FBXO17: variants seen among roughly 807,000 people sequenced by gnomAD.
FBXO17 encodes F-box only protein 17.
FBXO17 carries 43 observed loss-of-function variants against 34.1 expected under a neutral mutation model. The ratio of observed to expected loss-of-function variants is 1.26; its 90% CI spans 0.99 to 1.62. The LOEUF (loss-of-function observed/expected upper bound fraction) is 1.62, where lower values mean the gene tolerates loss of function less well. Among genes scored for constraint, FBXO17 ranks in the 40% most tolerant of loss-of-function variants. FBXO17 has a pLI of 0.00. For missense variants in FBXO17, 424 were observed against 386.7 expected, an observed-to-expected ratio of 1.10 and a Z score of -0.81; for synonymous variants, 169 against 166.0, an observed-to-expected ratio of 1.02 and a Z score of -0.14.
chr19:38,968,088 C>T (rs1975343603), intron 1 of FBXO17, among the ~76,000 whole-genome samples: 2 of 152,070 alleles, frequency 1.3e-5, no homozygotes, highest in South Asian at 2.1e-4. Flanking sequence ...GTAATCCCAG[C>T]ACTTTGGGAG....
chr19:38,955,484 C>CTATTTTTTTTTTTTTTTTTT, intron 1 of FBXO17, among the ~76,000 whole-genome samples: 1 of 133,714 alleles, frequency 7.5e-6, no homozygotes, highest in Non-Finnish European at 1.6e-5. Context: ...TTCTTTCTTT[C>CTATTTTTTTTTTTTTTTTTT]TTTTTTTTTT....
chr19:38,950,479 T>C (rs1811371790), intron 1 of FBXO17, 143 bp from the exon 2 acceptor site: 1 of 1,193,196 alleles, frequency 8.4e-7, no homozygotes, highest in Non-Finnish European at 1.1e-6. Context: ...CCCTCTCTGA[T>C]CCTAGGCCTT....
intron 1 of FBXO17, among the ~76,000 whole-genome samples, chr19:38,974,325 G>A (rs1197442576): frequency 2.6e-5 from 4 of 151,888 alleles, no homozygotes; most frequent in Non-Finnish European, 4.4e-5. Flanking sequence ...TGATCCGCCC[G>A]CCTCGGCCTC....
rs181731050 is a variant in FBXO17 at position 38,953,861 on chromosome 19, G to T, written c.-17-3525C>A. On this transcript the variant is annotated intron_variant, in intron 1 of 5. Transcript: ENST00000292852. ...TGGGACAGTCACAGCAGGAGAACGGGTGTGGGCAAGGGTGCAGGTAGGTGG... is the reference window on the plus strand; with the variant it reads ...TGGGACAGTCACAGCAGGAGAACGGTTGTGGGCAAGGGTGCAGGTAGGTGG... Among the ~76,000 whole-genome samples, 10 of 152,196 alleles carry T rather than the reference G, an allele frequency of 6.6e-5. No individual in the cohort carries two copies. In the East Asian group the frequency reaches 1.9e-3, roughly 29 times the overall value.
rs1975104074 is a variant in FBXO17, at chr19:38,952,737, T to C, written c.-17-2401A>G. The stretch of plus-strand genomic sequence containing the variant: ...CAACCTCTCTGTTCCCTGACCTCTC[T>C]CTAGTGACTTTTTCCTTCCCCAACA... On this transcript the variant is annotated intron_variant, in intron 1 of 5. Transcript: ENST00000292852. 8.4e-6 allele frequency: 4 copies of C among 476,850 alleles called. 1 individual carries two copies. Among genetic ancestry groups the C allele is most frequent in the South Asian group, 6.0e-5 (4 of 66,534 alleles). The allele number at this position is 476,850 out of a possible 1,614,324, so 29.5% of individuals were successfully genotyped here.
chr19:38,948,918 CT>C (rs1406091372), intron 2 of FBXO17, among the ~76,000 whole-genome samples: 1 of 152,158 alleles, frequency 6.6e-6, no homozygotes, highest in Non-Finnish European at 1.5e-5. Flanking sequence ...GCTCTTTCTC[CT>C]TCAGTCCTGC....
At chr19:38,951,581 C>A (rs35575208) in intron 1 of FBXO17, among the ~76,000 whole-genome samples, 40,067 of 150,852 alleles carry the variant, frequency 0.27, 6,211 homozygotes, top group East Asian at 0.58. Context: ...ACTGTGTTCT[C>A]GGTTTGCTGG....
At position 38,949,958 on chromosome 19, in the gene FBXO17, C is replaced by A; in HGVS notation, c.349+13G>T. On this transcript the variant is annotated intron_variant, in intron 2 of 5. Coordinates refer to ENST00000292852, the MANE Select transcript of FBXO17 (RefSeq NM_024907.7). The stretch of plus-strand genomic sequence containing the variant: ...CCCCCCTCAGCCTCCTGGGCCCCGC[C>A]CCCGTCACCCACGCTCTCCGCAGGA... 3 of 1,523,966 alleles carry A rather than the reference C, an allele frequency of 2.0e-6. No homozygotes were observed. Among genetic ancestry groups the A allele is most frequent in the Non-Finnish European group, 2.6e-6 (3 of 1,137,984 alleles). 94.4% of individuals were successfully genotyped at this position (1,523,966 alleles called of 1,614,324 possible). A position where few individuals can be genotyped will look rare whatever the true frequency, so the allele number is the denominator to read the frequency against.
At chr19:38,949,790 T>C in intron 2 of FBXO17, 181 bp downstream of exon 2, 1 of 754,316 alleles carries the variant, frequency 1.3e-6, no homozygotes, top group Non-Finnish European at 2.0e-6. Flanking sequence ...ATTCCCGGCT[T>C]CACCTTCTCC....
At chr19:38,955,229 C>T (rs1975151066) in intron 1 of FBXO17, among the ~76,000 whole-genome samples, 1 of 151,866 alleles carries the variant, frequency 6.6e-6, no homozygotes, top group South Asian at 2.1e-4. Flanking sequence ...CTGCAACTGG[C>T]CTTTTATTTT....
At chr19:38,946,671 A>T in intron 3 of FBXO17, 104 bp from the exon 4 acceptor site, 1 of 1,504,148 alleles carries the variant, frequency 6.6e-7, no homozygotes, top group Non-Finnish European at 9.0e-7. Flanking sequence ...CCCTCTCTAA[A>T]GCAGCCCTCA....
At chr19:38,949,447 T>A (rs1975036909) in intron 2 of FBXO17, among the ~76,000 whole-genome samples, 2 of 151,140 alleles carry the variant, frequency 1.3e-5, no homozygotes, top group Non-Finnish European at 3.0e-5. Context: ...TTGTTCAGGC[T>A]GGTCTCAAAC....
At chr19:38,959,990 A>G (rs577246287) in intron 1 of FBXO17, among the ~76,000 whole-genome samples, 2 of 152,314 alleles carry the variant, frequency 1.3e-5, no homozygotes, top group South Asian at 2.1e-4. Flanking sequence ...AAAACAAGAA[A>G]AACAGATATG....
rs1429023813 is a variant in FBXO17, at chr19:38,946,698, AC to A, written c.462-132del. ...CAGCCCTCAGGGTTTGCTCTAGCAG[AC>A]CTGAAGATGCATGATGGGCTATACA... On this transcript the variant is annotated intron_variant, in intron 3 of 5. Coordinates refer to ENST00000292852, the MANE Select transcript of FBXO17 (RefSeq NM_024907.7). The A allele has an allele frequency of 1.5e-4, 192 of 1,286,944 alleles. No individual in the cohort carries two copies. The African/African-American group carries it at 2.5e-3, about 17-fold the overall frequency. The allele number at this position is 1,286,944 out of a possible 1,614,324, so 79.7% of individuals were successfully genotyped here. A position where few individuals can be genotyped will look rare whatever the true frequency, so the allele number is the denominator to read the frequency against.
chr19:38,957,596 G>C (rs1346038032), intron 1 of FBXO17, among the ~76,000 whole-genome samples: 1 of 152,108 alleles, frequency 6.6e-6, no homozygotes, highest in Non-Finnish European at 1.5e-5. Context: ...CGCCCGCCTA[G>C]GCCTCCCAAA....
chr19:38,950,284 C>A lies in FBXO17; in HGVS notation c.36G>T (p.Ala12=), dbSNP rs748626300. Residue 12 remains alanine, a synonymous_variant, in exon 2 of 6, where the codon GCG becomes GCT. Transcript: ENST00000292852. ...GCGCGTCCAGGGCCAGGGATGGGTC[C>A]GCCGGCAGCCGTCGCCGCGATAGCC... ...GARLSRRRLP[A]DPSLALDALP... The A allele has an allele frequency of 3.5e-6, 5 of 1,443,946 alleles. No individual in the cohort carries two copies. The highest frequency in any genetic ancestry group is 5.5e-5 in the Admixed American group (2 of 36,608). 89.4% of individuals were successfully genotyped at this position (1,443,946 alleles called of 1,614,324 possible). A position where few individuals can be genotyped will look rare whatever the true frequency, so the allele number is the denominator to read the frequency against.
Position 38,950,008 on chromosome 19 carries a change from G to A in FBXO17, c.312C>T (p.Pro104=), listed in dbSNP as rs747768464. ...AGTTGAAGATGAGATTGCGGCCGAAGGGCGCGCGCAGACAGTAGCGCGCCA... is the reference window on the plus strand; with the variant it reads ...AGTTGAAGATGAGATTGCGGCCGAAAGGCGCGCGCAGACAGTAGCGCGCCA... ...CALARYCLRA[P]FGRNLIFNSC... The change falls in exon 2 of 6, where the codon CCC becomes CCT. Residue 104 remains proline (P), a synonymous_variant. Coordinates refer to ENST00000292852, the MANE Select transcript of FBXO17 (RefSeq NM_024907.7). The A allele has an allele frequency of 6.4e-7, 1 of 1,556,782 alleles. No homozygotes were observed. The highest frequency in any genetic ancestry group is 1.2e-5 in the South Asian group (1 of 84,526).
chr19:38,960,634 G>C (rs1600199983), intron 1 of FBXO17, among the ~76,000 whole-genome samples: 1 of 151,638 alleles, frequency 6.6e-6, no homozygotes, highest in African/African-American at 2.4e-5. Context: ...TCAGCCTCTC[G>C]AGTAGCTGGG....
In FBXO17 at chr19:38,949,988, A is replaced by G; in HGVS notation, c.332T>C (p.Phe111Ser). The change falls in exon 2 of 6, where the codon TTC becomes TCC. Residue 111 changes from phenylalanine (F) to serine (S), a missense_variant. Phe to Ser is a radical substitution (Grantham distance 155). Transcript: ENST00000292852. ...TCACCCACGCTCTCCGCAGGAGTTG[A>G]AGATGAGATTGCGGCCGAAGGGCGC... is the stretch of plus-strand genomic sequence containing the variant. ...LRAPFGRNLI[F>S]NSCGEQGFRG... 1 of 1,548,166 alleles carries G rather than the reference A, an allele frequency of 6.5e-7. No individual in the cohort carries two copies. The highest frequency in any genetic ancestry group is 8.7e-7 in the Non-Finnish European group (1 of 1,148,284).
Sources: gnomAD v4.1 joint callset for allele counts (sites outside exome capture counted in the v4.1 genomes callset) on GRCh38, gnomAD v4.1.1 for gene constraint, MANE v1.5 for transcripts, NCBI Gene and HGNC (gene_info 2026-07-23, HGNC 2026-07-21) for gene names.